SH3PXD2A: variants seen among roughly 807,000 people sequenced by gnomAD.
SH3PXD2A encodes SH3 and PX domains 2A.
In SH3PXD2A, 32 loss-of-function variants were observed where a neutral mutation model predicts 115.2. The ratio of observed to expected loss-of-function variants is 0.28; its 90% CI spans 0.21 to 0.37. The LOEUF is 0.37. SH3PXD2A is among the 10% of genes least tolerant of loss of function. SH3PXD2A has a pLI of 1.00. For missense variants in SH3PXD2A, 1,328 were observed against 1,498.7 expected (o/e 0.89, Z 1.88); for synonymous variants, 610 against 629.1 (o/e 0.97, Z 0.45).
At chr10:103,650,836 T>G (rs879511110) in intron 8 of SH3PXD2A, among the ~76,000 whole-genome samples, 14 of 152,344 alleles carry the variant, frequency 9.2e-5, no homozygotes, top group Admixed American at 9.1e-4. Flanking sequence ...ACACCTGGGC[T>G]TTTTACCTTG....
At chr10:103,640,230 G>A (rs1470435332) in intron 8 of SH3PXD2A, among the ~76,000 whole-genome samples, 1 of 152,050 alleles carries the variant, frequency 6.6e-6, no homozygotes, top group Non-Finnish European at 1.5e-5. Flanking sequence ...CAGGAGAATC[G>A]CTTGTACCCA....
intron 6 of SH3PXD2A, among the ~76,000 whole-genome samples, chr10:103,678,821 G>A (rs2037573377): frequency 6.6e-6 from 1 of 152,220 alleles, no homozygotes; most frequent in African/African-American, 2.4e-5. Context: ...CCCAGGAAAC[G>A]GCTGGGCTCT....
chr10:103,760,114 A>G (rs1480869372), intron 3 of SH3PXD2A, among the ~76,000 whole-genome samples: 2 of 152,200 alleles, frequency 1.3e-5, no homozygotes, highest in East Asian at 1.9e-4. Context: ...GATAGTGTCC[A>G]TCTTGGGAGC....
intron 1 of SH3PXD2A, among the ~76,000 whole-genome samples, chr10:103,834,260 C>A (rs1255358564): frequency 6.6e-6 from 1 of 152,170 alleles, no homozygotes; most frequent in Non-Finnish European, 1.5e-5. Context: ...TGGAAGGAAT[C>A]CAGCTCACCC....
intron 5 of SH3PXD2A, among the ~76,000 whole-genome samples, chr10:103,696,642 A>C (rs577977254): frequency 6.6e-6 from 1 of 152,120 alleles, no homozygotes; most frequent in African/African-American, 2.4e-5. Context: ...CTGCTGAATC[A>C]TATCGGCCAG....
At chr10:103,785,009 A>C (rs1296504655) in intron 2 of SH3PXD2A, among the ~76,000 whole-genome samples, 1 of 152,210 alleles carries the variant, frequency 6.6e-6, no homozygotes, top group Non-Finnish European at 1.5e-5. Context: ...ACTTGCCCTT[A>C]GCAGGTGCTC....
intron 8 of SH3PXD2A, among the ~76,000 whole-genome samples, chr10:103,646,811 G>A (rs1048773237): frequency 6.6e-6 from 1 of 152,204 alleles, no homozygotes; most frequent in East Asian, 1.9e-4. Flanking sequence ...CCCTTGCTTG[G>A]TTGCTGGGTT....
rs2036172857 is a variant in SH3PXD2A at position 103,598,755 on chromosome 10, C to G, written c.*3061G>C. ...CTCAGTAGCTCAAGGGAAAGGCCCTCTCGCCCTGGCTAGGGCTAGGAGGCC... is the reference window on the plus strand; with the variant it reads ...CTCAGTAGCTCAAGGGAAAGGCCCTGTCGCCCTGGCTAGGGCTAGGAGGCC... On this transcript the variant is annotated 3_prime_UTR_variant, in exon 15 of 15. Transcript: ENST00000369774. 6.5e-6 allele frequency: 1 copy of G among 152,674 alleles called. No individual in the cohort carries two copies. Among genetic ancestry groups the G allele is most frequent in the Non-Finnish European group, 1.5e-5 (1 of 68,062 alleles). 9.5% of individuals were successfully genotyped at this position (152,674 alleles called of 1,614,324 possible).
rs1369688051 is a variant in SH3PXD2A, at chr10:103,757,231, A to G, written c.229+9863T>C. ...ACCGAGCCCTGAAATCATGCCTGTC[A>G]CTTTCTGGTGACTTTGCCAACAAGC... is the stretch of plus-strand genomic sequence containing the variant. On this transcript the variant is annotated intron_variant, in intron 3 of 14. Transcript: ENST00000369774. Among the ~76,000 whole-genome samples the G allele has an allele frequency of 2.0e-5, 3 of 152,208 alleles. No homozygotes were observed. The East Asian group carries it at 5.8e-4, about 29-fold the overall frequency.
At chr10:103,831,796 A>T (rs1382794469) in intron 1 of SH3PXD2A, among the ~76,000 whole-genome samples, 1 of 152,188 alleles carries the variant, frequency 6.6e-6, no homozygotes. Context: ...ACCTCATGGC[A>T]GTTAGTAGTT....
chr10:103,835,321 G>A (rs1398989557), intron 1 of SH3PXD2A, among the ~76,000 whole-genome samples: 5 of 152,328 alleles, frequency 3.3e-5, no homozygotes, highest in South Asian at 2.1e-4. Context: ...CAGGCAACTC[G>A]GGTGGCCCCA....
rs2036110017 is a variant in SH3PXD2A, at chr10:103,594,727, G to A, written c.*7089C>T. 6.6e-6 allele frequency: 1 copy of A among 152,188 alleles called. No individual in the cohort carries two copies. Among genetic ancestry groups the A allele is most frequent in the Admixed American group, 6.5e-5 (1 of 15,272 alleles). The allele number at this position is 152,188 out of a possible 1,614,324, so 9.4% of individuals were successfully genotyped here. On this transcript the variant is annotated 3_prime_UTR_variant, in exon 15 of 15. Transcript: ENST00000369774. ...TCTTTCTCTGCAGTAAACTCTTATG[G>A]GGAGTGTGCCTTGGTTATAAGGCAA... is the stretch of plus-strand genomic sequence containing the variant.
chr10:103,835,851 A>C (rs1228056805), intron 1 of SH3PXD2A, among the ~76,000 whole-genome samples: 1 of 152,156 alleles, frequency 6.6e-6, no homozygotes, highest in Non-Finnish European at 1.5e-5. Flanking sequence ...CCTTCACTGA[A>C]GCCAGAAATC....
intron 1 of SH3PXD2A, among the ~76,000 whole-genome samples, chr10:103,843,328 GT>G (rs1320086531): frequency 1.3e-5 from 2 of 152,178 alleles, no homozygotes. Context: ...CCCTCTCTTA[GT>G]GCTTACTCTG....
At chr10:103,747,748 G>T (rs1457853322) in intron 3 of SH3PXD2A, among the ~76,000 whole-genome samples, 1 of 152,150 alleles carries the variant, frequency 6.6e-6, no homozygotes, top group Non-Finnish European at 1.5e-5. Context: ...CCAGCCACAG[G>T]GGAGTTTGCC....
intron 3 of SH3PXD2A, among the ~76,000 whole-genome samples, chr10:103,752,856 C>T (rs2038594373): frequency 6.6e-6 from 1 of 152,158 alleles, no homozygotes; most frequent in African/African-American, 2.4e-5. Flanking sequence ...TCAATTATTT[C>T]CTTCTGGACA....
At chr10:103,688,701 G>T (rs2037710505) in intron 6 of SH3PXD2A, among the ~76,000 whole-genome samples, 1 of 152,188 alleles carries the variant, frequency 6.6e-6, no homozygotes, top group Non-Finnish European at 1.5e-5. Flanking sequence ...GGGGACAAGA[G>T]GGGTAAAGCC....
chr10:103,646,056 G>A (rs778262794), intron 8 of SH3PXD2A, among the ~76,000 whole-genome samples: 3 of 152,140 alleles, frequency 2.0e-5, no homozygotes, highest in Non-Finnish European at 2.9e-5. Context: ...TTCGTTCCCT[G>A]CCTGACATAT....
At chr10:103,655,037 GCT>G (rs1180864748) in intron 8 of SH3PXD2A, among the ~76,000 whole-genome samples, 1 of 152,172 alleles carries the variant, frequency 6.6e-6, no homozygotes, top group East Asian at 1.9e-4. Flanking sequence ...CCTCCAGCCA[GCT>G]CTGTGAAGTG....
Sources: gnomAD v4.1 joint callset for allele counts (sites outside exome capture counted in the v4.1 genomes callset) on GRCh38, gnomAD v4.1.1 for gene constraint, MANE v1.5 for transcripts, NCBI Gene and HGNC (gene_info 2026-07-23, HGNC 2026-07-21) for gene names.